Variants in ADAMTS17 observed in about 807,000 individuals in gnomAD.
ADAMTS17 encodes the protein ADAM metallopeptidase with thrombospondin type 1 motif 17.
ADAMTS17 carries 113 observed loss-of-function variants against 141.5 expected under a neutral mutation model. The ratio of observed to expected loss-of-function variants is 0.80; its 90% CI spans 0.69 to 0.93. The LOEUF is 0.93. ADAMTS17 is among the 40% of genes least tolerant of loss of function. ADAMTS17 has a pLI of 0.00. For synonymous variants in ADAMTS17, 768 were observed against 630.6 expected (o/e 1.22, Z -3.27); for missense variants, 1,659 against 1,517.9 (o/e 1.09, Z -1.54).
At chr15:100,036,082 T>A (rs914213160) in intron 18 of ADAMTS17, among the ~76,000 whole-genome samples, 2 of 152,142 alleles carry the variant, frequency 1.3e-5, no homozygotes, top group Non-Finnish European at 2.9e-5. Flanking sequence ...GGCTTTTCTA[T>A]GAGGCTGCAA....
At chr15:100,215,809 C>T (rs2041952564) in intron 7 of ADAMTS17, among the ~76,000 whole-genome samples, 1 of 152,110 alleles carries the variant, frequency 6.6e-6, no homozygotes, top group African/African-American at 2.4e-5. Context: ...CATCCTGCTG[C>T]TGGCAGGATG....
At chr15:100,139,468 T>C (rs1019683726) in intron 10 of ADAMTS17, among the ~76,000 whole-genome samples, 2 of 152,226 alleles carry the variant, frequency 1.3e-5, no homozygotes, top group Non-Finnish European at 2.9e-5. Flanking sequence ...CCAAGGATAC[T>C]GCTAAAGATC....
At chr15:100,190,618 G>C (rs1436357301) in intron 8 of ADAMTS17, among the ~76,000 whole-genome samples, 2 of 152,214 alleles carry the variant, frequency 1.3e-5, no homozygotes, top group Non-Finnish European at 2.9e-5. Flanking sequence ...AAGAGGGGCA[G>C]GTCTGGAGAA....
intron 15 of ADAMTS17, chr15:100,074,268 T>G (rs930284639): frequency 2.0e-5 from 3 of 152,260 alleles, no homozygotes; most frequent in Admixed American, 1.3e-4. Flanking sequence ...ACACCTTTGT[T>G]TTGTTTTTTA....
At chr15:100,040,129 G>GT (rs1316457080) in intron 18 of ADAMTS17, among the ~76,000 whole-genome samples, 2 of 152,160 alleles carry the variant, frequency 1.3e-5, no homozygotes, top group Non-Finnish European at 2.9e-5. Context: ...GTTCATTGCT[G>GT]TAAGAGTCAG....
At chr15:100,069,214 A>T (rs1292079618) in intron 15 of ADAMTS17, among the ~76,000 whole-genome samples, 3 of 152,194 alleles carry the variant, frequency 2.0e-5, no homozygotes, top group Admixed American at 2.0e-4. Context: ...AAAGAAATGA[A>T]CAAAGCCTCC....
Position 100,053,994 on chromosome 15 carries a change from T to C in ADAMTS17, c.2198A>G (p.Glu733Gly). 6.2e-7 allele frequency: 1 copy of C among 1,614,172 alleles called. No individual in the cohort carries two copies. The highest frequency in any genetic ancestry group is 8.5e-7 in the Non-Finnish European group (1 of 1,180,034). The change falls in exon 16 of 22, where the codon GAG (glutamate) becomes GGG (glycine). Residue 733 changes from glutamate (E) to glycine (G), a missense_variant. Transcript: ENST00000268070. ...NSDWKIELPG[E>G]FQIAGTTVRY... is the part of the protein sequence containing the mutation. ...AACAGTTGTGCCTGCAATCTGGAAC[T>C]CTCCGGGGAGCTCTATCTTCCAGTC... is the stretch of plus-strand genomic sequence containing the variant.
At chr15:100,225,537 T>C (rs1322045634) in intron 7 of ADAMTS17, among the ~76,000 whole-genome samples, 1 of 149,586 alleles carries the variant, frequency 6.7e-6, no homozygotes, top group Non-Finnish European at 1.5e-5. Context: ...TGCCATGCAG[T>C]CCTTATAGCA....
chr15:100,121,749 G>T (rs957096908), intron 12 of ADAMTS17, among the ~76,000 whole-genome samples: 1 of 151,878 alleles, frequency 6.6e-6, no homozygotes, highest in Non-Finnish European at 1.5e-5. Context: ...GAATGCAGGA[G>T]GAACAGGCTT....
At chr15:100,309,683 C>A (rs1467080000) in intron 3 of ADAMTS17, among the ~76,000 whole-genome samples, 2 of 152,216 alleles carry the variant, frequency 1.3e-5, no homozygotes, top group Admixed American at 1.3e-4. Flanking sequence ...ACGTGAAGCC[C>A]AGCAGTTTCA....
At chr15:100,254,552 C>G (rs1202744249) in intron 6 of ADAMTS17, among the ~76,000 whole-genome samples, 1 of 152,210 alleles carries the variant, frequency 6.6e-6, no homozygotes, top group East Asian at 1.9e-4. Context: ...CTTCCCCAAG[C>G]TACTCTATTT....
At chr15:100,030,725 A>G (rs2030071831) in intron 18 of ADAMTS17, among the ~76,000 whole-genome samples, 1 of 152,230 alleles carries the variant, frequency 6.6e-6, no homozygotes, top group South Asian at 2.1e-4. Context: ...ACTCTGAAAT[A>G]CGTATAAATT....
Position 100,145,518 on chromosome 15 carries a change from C to T in ADAMTS17, c.1473+7094G>A, listed in dbSNP as rs140964269. ...TAACTGCAGGCACCTTAAGATGTCA[C>T]GACACCACTGGTGTGACTGCTAATG... On this transcript the variant is annotated intron_variant, in intron 10 of 21. Transcript: ENST00000268070. 5.0e-3 allele frequency among the ~76,000 whole-genome samples: 758 copies of T among 152,294 alleles called. 6 individuals are homozygous for T. Among genetic ancestry groups the T allele is most frequent in the Middle Eastern group, 0.02 (6 of 294 alleles).
intron 2 of ADAMTS17, among the ~76,000 whole-genome samples, chr15:100,332,731 T>C (rs2046093205): frequency 6.6e-6 from 1 of 152,088 alleles, no homozygotes; most frequent in Admixed American, 6.5e-5. Flanking sequence ...TTAGGGAAGG[T>C]TTTTCTTTAC....
At chr15:100,233,211 C>T (rs1307842188) in intron 7 of ADAMTS17, among the ~76,000 whole-genome samples, 1 of 151,984 alleles carries the variant, frequency 6.6e-6, no homozygotes, top group Non-Finnish European at 1.5e-5. Context: ...ACGCCTGTAA[C>T]CCCAGGTACT....
rs1016193304 is a variant in ADAMTS17 at position 100,330,379 on chromosome 15, T to C, written c.616+510A>G. On this transcript the variant is annotated intron_variant, in intron 3 of 21. Transcript: ENST00000268070. Reference sequence around the variant, plus strand: ...TGACTGGACCCTCCCCCAGGGTTTCTGATTCACAGCTCTGGCCTGAAAATG... The same window carrying C: ...TGACTGGACCCTCCCCCAGGGTTTCCGATTCACAGCTCTGGCCTGAAAATG... 2.6e-5 allele frequency among the ~76,000 whole-genome samples: 4 copies of C among 152,226 alleles called. No homozygotes were observed. In the East Asian group the frequency reaches 7.7e-4, roughly 29 times the overall value.
chr15:100,058,878 G>A (rs977813020), intron 15 of ADAMTS17, among the ~76,000 whole-genome samples: 1 of 151,608 alleles, frequency 6.6e-6, no homozygotes, highest in African/African-American at 2.4e-5. Context: ...TGCGGCTGAC[G>A]GACAAACCCA....
intron 20 of ADAMTS17, among the ~76,000 whole-genome samples, chr15:99,988,242 G>A (rs2060628686): frequency 6.6e-6 from 1 of 152,124 alleles, no homozygotes; most frequent in African/African-American, 2.4e-5. Context: ...ACGGGCACGA[G>A]TCCCTCAGGA....
chr15:100,097,316 T>C (rs1007912800), intron 14 of ADAMTS17, among the ~76,000 whole-genome samples: 4 of 152,334 alleles, frequency 2.6e-5, no homozygotes, highest in Admixed American at 2.0e-4. Flanking sequence ...GAACTGGGTT[T>C]TTCCTACTGC....
Sources: allele counts gnomAD v4.1 joint callset (sites outside exome capture counted in the v4.1 genomes callset), GRCh38; gene constraint gnomAD v4.1.1; transcripts MANE v1.5; gene names NCBI Gene and HGNC (gene_info 2026-07-23, HGNC 2026-07-21).